The following SYNE1 variants were observed in gnomAD, a reference collection of about 807,000 sequenced individuals.
SYNE1 encodes the protein spectrin repeat containing nuclear envelope protein 1.
In SYNE1, 616 loss-of-function variants were observed where a neutral mutation model predicts 1,111.0. The ratio of observed to expected loss-of-function variants is 0.55; its 90% CI spans 0.52 to 0.59. The LOEUF (loss-of-function observed/expected upper bound fraction) is 0.59, where lower values mean the gene tolerates loss of function less well. Among genes scored for constraint, SYNE1 ranks in the 20% least tolerant of loss-of-function variants. The probability of loss-of-function intolerance (pLI) is 0.00; values close to 1 mark genes in which losing one functional copy is unlikely to be tolerated. For synonymous variants in SYNE1, 3,855 were observed against 3,825.8 expected, an observed-to-expected ratio of 1.01 and a Z score of -0.28; for missense variants, 10,006 against 10,417.0, an observed-to-expected ratio of 0.96 and a Z score of 1.72.
intron 3 of SYNE1, among the ~76,000 whole-genome samples, chr6:152,620,463 G>A (rs920201929): frequency 6.6e-6 from 1 of 152,106 alleles, no homozygotes; most frequent in African/African-American, 2.4e-5. Context: ...TCCTTTCCTG[G>A]AAATCTACCA....
At chr6:152,606,870 G>A (rs1326509719) in intron 3 of SYNE1, among the ~76,000 whole-genome samples, 9 of 151,286 alleles carry the variant, frequency 5.9e-5, no homozygotes, top group Admixed American at 5.9e-4. Flanking sequence ...TAGCCAGGAT[G>A]GTCTTGATCT....
At chr6:152,324,232 C>T (rs1260079945) in intron 81 of SYNE1, among the ~76,000 whole-genome samples, 1 of 151,862 alleles carries the variant, frequency 6.6e-6, no homozygotes. Context: ...AACCCCGTCT[C>T]TACTAAAAAT....
intron 10 of SYNE1, among the ~76,000 whole-genome samples, chr6:152,500,529 T>A (rs569109797): frequency 1.3e-5 from 2 of 152,226 alleles, no homozygotes; most frequent in African/African-American, 4.8e-5. Context: ...GAAACAGTAG[T>A]TACCTCTATT....
intron 56 of SYNE1, 109 bp downstream of exon 56, chr6:152,380,897 T>C (rs2097401065): frequency 2.0e-6 from 2 of 989,172 alleles, no homozygotes; most frequent in Non-Finnish European, 1.6e-6. Flanking sequence ...TTCTTCCAAG[T>C]GTGCATGTTG....
chr6:152,515,844 TCAGATTCTTA>T (rs2099108893), intron 6 of SYNE1, among the ~76,000 whole-genome samples: 5 of 152,216 alleles, frequency 3.3e-5, no homozygotes, highest in Admixed American at 3.3e-4. Context: ...ACATTTCTCA[TCAGATTCTTA>T]CATAAGTTTT....
At position 152,283,969 on chromosome 6, in the gene SYNE1, A is replaced by G; in HGVS notation, c.18207+9T>C. 1 of 1,612,058 alleles carries G rather than the reference A, an allele frequency of 6.2e-7. No individual in the cohort carries two copies. Among genetic ancestry groups the G allele is most frequent in the African/African-American group, 1.3e-5 (1 of 75,018 alleles). ...GAAGTGAGGAGGCCACTTTACAGTT[A>G]TTGGTTACCTCCAAAAGCTGCCGTT... On this transcript the variant is annotated intron_variant, in intron 96 of 145. Coordinates refer to ENST00000367255, the MANE Select transcript of SYNE1 (RefSeq NM_182961.4).
intron 91 of SYNE1, among the ~76,000 whole-genome samples, chr6:152,302,551 T>C (rs1027393798): frequency 7.2e-5 from 11 of 152,362 alleles, no homozygotes; most frequent in East Asian, 5.8e-4. Flanking sequence ...TTATTTTACA[T>C]AGGGTCACAT....
intron 11 of SYNE1, among the ~76,000 whole-genome samples, chr6:152,491,734 C>A (rs775794744): frequency 6.6e-6 from 1 of 152,082 alleles, no homozygotes; most frequent in South Asian, 2.1e-4. Context: ...GCTCCCAGTG[C>A]GACTCATCAC....
At chr6:152,210,334 T>G (rs561468948) in intron 124 of SYNE1, among the ~76,000 whole-genome samples, 1 of 152,334 alleles carries the variant, frequency 6.6e-6, no homozygotes, top group East Asian at 1.9e-4. Flanking sequence ...ACTTAATGAC[T>G]CAAACATTTA....
chr6:152,200,571 A>G (rs979815775), intron 127 of SYNE1, among the ~76,000 whole-genome samples: 3 of 152,050 alleles, frequency 2.0e-5, no homozygotes, highest in Non-Finnish European at 2.9e-5. Flanking sequence ...TAATTTTTAA[A>G]TTTCTTTAGA....
intron 42 of SYNE1, among the ~76,000 whole-genome samples, chr6:152,410,609 C>T (rs914262661): frequency 4.6e-5 from 7 of 152,096 alleles, no homozygotes; most frequent in Admixed American, 6.6e-5. Flanking sequence ...GTGGCGCATG[C>T]CTGTAATCCT....
At chr6:152,264,567 C>G (rs1352628664) in intron 100 of SYNE1, among the ~76,000 whole-genome samples, 1 of 151,884 alleles carries the variant, frequency 6.6e-6, no homozygotes, top group Non-Finnish European at 1.5e-5. Flanking sequence ...GAATCTGAGG[C>G]AAGAGGATCA....
At chr6:152,576,575 A>G (rs1217903248) in intron 3 of SYNE1, among the ~76,000 whole-genome samples, 2 of 152,182 alleles carry the variant, frequency 1.3e-5, no homozygotes, top group African/African-American at 4.8e-5. Flanking sequence ...GGCTACCCCA[A>G]AAAGACACAG....
At chr6:152,370,212 C>G (rs1484437137) in intron 59 of SYNE1, among the ~76,000 whole-genome samples, 9 of 152,030 alleles carry the variant, frequency 5.9e-5, no homozygotes, top group Middle Eastern at 3.2e-3. Flanking sequence ...CTATACCATG[C>G]CTATATACTT....
At chr6:152,607,652 A>G (rs1042161344) in intron 3 of SYNE1, among the ~76,000 whole-genome samples, 1 of 152,194 alleles carries the variant, frequency 6.6e-6, no homozygotes, top group East Asian at 1.9e-4. Flanking sequence ...GGAATCAGAA[A>G]TACCATTTGA....
rs969446865 is a variant in SYNE1 at position 152,234,021 on chromosome 6, GA to G, written c.20530-59del. On this transcript the variant is annotated intron_variant, in intron 111 of 145. Transcript: ENST00000367255. ...AAATAGCTAGACCATTCATTAAAAG[GA>G]AAGCGACCAATTTAGTGCATGAAAC... 2.1e-5 allele frequency: 33 copies of G among 1,568,854 alleles called. No homozygotes were observed. The African/African-American group carries it at 4.5e-4, about 21-fold the overall frequency.
chr6:152,369,352 C>T lies in SYNE1; in HGVS notation c.9651+119G>A, dbSNP rs549742513. The stretch of plus-strand genomic sequence containing the variant: ...AAAATCCACCAGAAATGGGGAAAAA[C>T]ACACTATGTCTCACGGCAGCACAGT... On this transcript the variant is annotated intron_variant, in intron 60 of 145. Transcript: ENST00000367255. 2.8e-5 allele frequency: 42 copies of T among 1,497,498 alleles called. No individual in the cohort carries two copies. In the South Asian group the frequency reaches 4.6e-4, roughly 17 times the overall value. 92.8% of individuals were successfully genotyped at this position (1,497,498 alleles called of 1,614,324 possible). A position where few individuals can be genotyped will look rare whatever the true frequency, so the allele number is the denominator to read the frequency against.
In SYNE1 at chr6:152,151,651, C is replaced by G. The variant is rs758012740; in HGVS notation, c.24352G>C (p.Asp8118His). Residue 8118 changes from aspartate (D) to histidine (H), a missense_variant, in exon 135 of 146, where the codon GAC becomes CAC. Coordinates refer to ENST00000367255, the MANE Select transcript of SYNE1 (RefSeq NM_182961.4). ...TCTGTGAGCCAGACCAGAATGCTGT[C>G]CCGCGCAGTCTCAAACTCCTCACGC... Reference protein sequence around the residue: ...GQREEFETARDSILVWLTEMD... With the variant: ...GQREEFETARHSILVWLTEMD... 6.2e-7 allele frequency: 1 copy of G among 1,614,100 alleles called. No homozygotes were observed. The highest frequency in any genetic ancestry group is 8.5e-7 in the Non-Finnish European group (1 of 1,180,034).
At position 152,206,243 on chromosome 6, in the gene SYNE1, A is replaced by G; in HGVS notation, c.22944T>C (p.Ala7648=). 1 of 1,613,854 alleles carries G rather than the reference A, an allele frequency of 6.2e-7. No individual in the cohort carries two copies. The highest frequency in any genetic ancestry group is 8.5e-7 in the Non-Finnish European group (1 of 1,180,028). The change falls in exon 126 of 146, where the codon GCT becomes GCC. Residue 7648 remains alanine (A), a synonymous_variant. Coordinates refer to ENST00000367255, the MANE Select transcript of SYNE1 (RefSeq NM_182961.4). The part of the protein sequence containing the change: ...GAEAALQAEL[A]EIQEKWKSAS... Reference sequence around the variant, plus strand: ...CTGATTTCCATTTCTCTTGGATTTCAGCGAGTTCGGCCTGCAAGGCGGCCT... The same window carrying G: ...CTGATTTCCATTTCTCTTGGATTTCGGCGAGTTCGGCCTGCAAGGCGGCCT...
Sources: gnomAD v4.1 joint callset for allele counts (sites outside exome capture counted in the v4.1 genomes callset) on GRCh38, gnomAD v4.1.1 for gene constraint, MANE v1.5 for transcripts, NCBI Gene and HGNC (gene_info 2026-07-23, HGNC 2026-07-21) for gene names.